The following SAMD12 variants were observed in gnomAD, a reference collection of about 807,000 sequenced individuals.
SAMD12 encodes the protein sterile alpha motif domain-containing protein 12.
In SAMD12, 9 loss-of-function variants were observed where a neutral mutation model predicts 15.0. The ratio of observed to expected loss-of-function variants is 0.60; its 90% CI spans 0.36 to 1.05. The LOEUF is 1.05. SAMD12 is among the 50% of genes least tolerant of loss of function. SAMD12 has a pLI of 0.01. For synonymous variants in SAMD12, 86 were observed against 90.1 expected, an observed-to-expected ratio of 0.96 and a Z score of 0.25; for missense variants, 230 against 234.2, an observed-to-expected ratio of 0.98 and a Z score of 0.12.
intron 4 of SAMD12, among the ~76,000 whole-genome samples, chr8:118,346,589 A>G (rs1817669277): frequency 6.6e-6 from 1 of 152,202 alleles, no homozygotes; most frequent in African/African-American, 2.4e-5. Flanking sequence ...AACGGCATTG[A>G]GAGGGAAATA....
At chr8:118,304,021 A>G (rs1024681993) in intron 4 of SAMD12, among the ~76,000 whole-genome samples, 7 of 152,124 alleles carry the variant, frequency 4.6e-5, no homozygotes, top group African/African-American at 1.7e-4. Context: ...CTCTGTTCAC[A>G]TGGTACCCAG....
chr8:118,621,721 C>T, intron 1 of SAMD12, 83 bp downstream of exon 1: 1 of 1,518,326 alleles, frequency 6.6e-7, no homozygotes, highest in Non-Finnish European at 9.1e-7. Context: ...CGCCTCCCCA[C>T]GATCGCCAAG....
intron 3 of SAMD12, among the ~76,000 whole-genome samples, chr8:118,413,363 G>T (rs182920778): frequency 6.6e-6 from 1 of 152,250 alleles, no homozygotes; most frequent in Non-Finnish European, 1.5e-5. Context: ...AGAGTTGTGT[G>T]GACTGTCTCT....
intron 4 of SAMD12, among the ~76,000 whole-genome samples, chr8:118,356,372 C>A (rs1247238542): frequency 1.3e-5 from 2 of 152,158 alleles, no homozygotes; most frequent in Non-Finnish European, 2.9e-5. Flanking sequence ...CCTGGCCCTG[C>A]AATGCTGTTT....
At chr8:118,395,418 T>A (rs1335330464) in intron 3 of SAMD12, among the ~76,000 whole-genome samples, 1 of 152,186 alleles carries the variant, frequency 6.6e-6, no homozygotes, top group African/African-American at 2.4e-5. Context: ...CAAATTGAGC[T>A]GTCTCTTAAG....
chr8:118,512,360 T>C (rs1051419808), intron 2 of SAMD12, among the ~76,000 whole-genome samples: 1 of 152,202 alleles, frequency 6.6e-6, no homozygotes, highest in African/African-American at 2.4e-5. Flanking sequence ...GGCTGAGCTC[T>C]GTTGGCTTTT....
At chr8:118,508,185 C>T (rs945841586) in intron 2 of SAMD12, among the ~76,000 whole-genome samples, 2 of 141,326 alleles carry the variant, frequency 1.4e-5, no homozygotes, top group Non-Finnish European at 1.5e-5. Context: ...GGGAATTGAA[C>T]GATGAGAACA....
intron 2 of SAMD12, among the ~76,000 whole-genome samples, chr8:118,473,220 A>C (rs73315327): frequency 0.016 from 2,376 of 152,196 alleles, 61 homozygotes; most frequent in African/African-American, 0.054. Context: ...GCTCTGTCAC[A>C]CTGTAACCTC....
intron 2 of SAMD12, among the ~76,000 whole-genome samples, chr8:118,440,671 C>T (rs1650482948): frequency 6.8e-6 from 1 of 147,932 alleles, no homozygotes; most frequent in South Asian, 2.2e-4. Flanking sequence ...CACACACACA[C>T]ACACACACAC....
At chr8:118,577,501 G>A (rs1234548591) in intron 2 of SAMD12, among the ~76,000 whole-genome samples, 1 of 152,172 alleles carries the variant, frequency 6.6e-6, no homozygotes, top group Admixed American at 6.5e-5. Flanking sequence ...AACAGGTGGT[G>A]TGCTGAGGGA....
chr8:118,361,710 T>C (rs1157381590), intron 4 of SAMD12, among the ~76,000 whole-genome samples: 1 of 152,184 alleles, frequency 6.6e-6, no homozygotes, highest in Non-Finnish European at 1.5e-5. Context: ...CAAATATGTA[T>C]ATTTATATGC....
intron 4 of SAMD12, among the ~76,000 whole-genome samples, chr8:118,319,576 T>A (rs1816120902): frequency 6.6e-6 from 1 of 152,142 alleles, no homozygotes; most frequent in Non-Finnish European, 1.5e-5. Flanking sequence ...GGTTATAAAT[T>A]GATATTATGC....
intron 4 of SAMD12, among the ~76,000 whole-genome samples, chr8:118,305,935 C>T (rs192732206): frequency 2.0e-5 from 3 of 152,188 alleles, no homozygotes; most frequent in African/African-American, 4.8e-5. Context: ...CTTCTGGTGG[C>T]GTCTTTGGCA....
chr8:118,292,375 C>CAT (rs1814439374), intron 4 of SAMD12, among the ~76,000 whole-genome samples: 2 of 151,398 alleles, frequency 1.3e-5, no homozygotes, highest in Admixed American at 1.3e-4. Context: ...CACACACACA[C>CAT]ATATTCCGGA....
rs1187043376 is a variant in SAMD12 at position 118,191,811 on chromosome 8, TAGAGAGAGAG to T, written c.*5889_*5898del. 9.8e-3 allele frequency: 80 copies of T among 8,138 alleles called. 2 individuals carry two copies. Among genetic ancestry groups the T allele is most frequent in the African/African-American group, 0.017 (62 of 3,696 alleles). The allele number at this position is 8,138 out of a possible 1,614,324, so 0.5% of individuals were successfully genotyped here. A position where few individuals can be genotyped will look rare whatever the true frequency, so the allele number is the denominator to read the frequency against. On this transcript the variant is annotated 3_prime_UTR_variant, in exon 5 of 5. Coordinates refer to the SAMD12 transcript ENST00000409003. ...ATATATATATATATATATATATATA[TAGAGAGAGAG>T]AGAGAGAGAGAGAGAGAGAGAGAGA...
chr8:118,367,699 C>T (rs547000441), intron 4 of SAMD12, among the ~76,000 whole-genome samples: 1 of 152,314 alleles, frequency 6.6e-6, no homozygotes, highest in South Asian at 2.1e-4. Flanking sequence ...TAAAATTACT[C>T]ATCAGTATGC....
intron 1 of SAMD12, among the ~76,000 whole-genome samples, chr8:118,612,269 C>G (rs1473470392): frequency 6.6e-6 from 1 of 152,170 alleles, no homozygotes; most frequent in South Asian, 2.1e-4. Context: ...CTGGCCTGTC[C>G]TCCTTATCTG....
intron 2 of SAMD12, among the ~76,000 whole-genome samples, chr8:118,444,052 A>G (rs1365223306): frequency 1.3e-5 from 2 of 152,150 alleles, no homozygotes; most frequent in Non-Finnish European, 2.9e-5. Flanking sequence ...CTTCACAGCC[A>G]TCCCTAGAGG....
intron 2 of SAMD12, among the ~76,000 whole-genome samples, chr8:118,447,463 C>T (rs1414853792): frequency 2.0e-5 from 3 of 151,886 alleles, no homozygotes; most frequent in Non-Finnish European, 2.9e-5. Context: ...CCACTACGCC[C>T]AGCTAACTTT....
Sources: gnomAD v4.1 joint callset for allele counts (sites outside exome capture counted in the v4.1 genomes callset) on GRCh38, gnomAD v4.1.1 for gene constraint, MANE v1.5 for transcripts, NCBI Gene and HGNC (gene_info 2026-07-23, HGNC 2026-07-21) for gene names.